Variants in TMED9 observed in about 807,000 individuals in gnomAD.
TMED9 encodes transmembrane emp24 domain-containing protein 9.
In TMED9, 22 loss-of-function variants were observed where a neutral mutation model predicts 30.6. The ratio of observed to expected loss-of-function variants is 0.72; its 90% CI spans 0.51 to 1.03. The LOEUF is 1.03. Among genes scored for constraint, TMED9 ranks in the 50% least tolerant of loss-of-function variants. The probability of loss-of-function intolerance (pLI) is 0.00; values close to 1 mark genes in which losing one functional copy is unlikely to be tolerated. For synonymous variants in TMED9, 146 were observed against 122.8 expected, an observed-to-expected ratio of 1.19 and a Z score of -1.25; for missense variants, 251 against 302.1, an observed-to-expected ratio of 0.83 and a Z score of 1.25.
chr5:177,594,751 G>A (rs1358806199), intron 4 of TMED9, among the ~76,000 whole-genome samples: 3 of 152,216 alleles, frequency 2.0e-5, no homozygotes, highest in Non-Finnish European at 4.4e-5. Context: ...GAGGAAATAG[G>A]ATTTTTATGC....
chr5:177,593,403 A>G, intron 2 of TMED9: 1 of 466,668 alleles, frequency 2.1e-6, no homozygotes, highest in Non-Finnish European at 3.8e-6. Flanking sequence ...TATAAAGGAA[A>G]GCCCTTCCCA....
At chr5:177,594,106 C>T (rs749777604) in intron 3 of TMED9, 33 bp from the exon 4 acceptor site, 3 of 1,612,396 alleles carry the variant, frequency 1.9e-6, no homozygotes, top group Non-Finnish European at 2.5e-6. Context: ...GCAGGGCTAC[C>T]AGATTTCCCT....
intron 2 of TMED9, 97 bp downstream of exon 2, chr5:177,592,772 C>T (rs554838051): frequency 4.6e-6 from 4 of 865,514 alleles, no homozygotes; most frequent in African/African-American, 1.7e-5. Context: ...GTGGGAGAGA[C>T]AGTTGATGTT....
intron 3 of TMED9, 128 bp downstream of exon 3, chr5:177,593,903 C>G: frequency 7.3e-7 from 1 of 1,374,484 alleles, no homozygotes; most frequent in South Asian, 1.3e-5. Context: ...ACTGGGTTTC[C>G]ACTGGATGTC....
At position 177,592,571 on chromosome 5, in the gene TMED9, C is replaced by G. The variant is rs548494178; in HGVS notation, c.185-4C>G. On this transcript the variant is annotated splice_polypyrimidine_tract_variant and splice_region_variant and intron_variant, in intron 1 of 4. Transcript: ENST00000332598. ...TGACCTGGGCTCGCCCTGCTTCCCT[C>G]AAGGAAACTACCGGACGCAGCTGTA... The G allele has an allele frequency of 6.2e-7, 1 of 1,612,204 alleles. No individual in the cohort carries two copies. The highest frequency in any genetic ancestry group is 2.2e-5 in the East Asian group (1 of 44,836).
chr5:177,593,426 C>A, intron 2 of TMED9: 1 of 511,576 alleles, frequency 2.0e-6, no homozygotes. Context: ...AGCAGTCAGT[C>A]ACTTGCCACC....
At position 177,593,731 on chromosome 5, in the gene TMED9, C is replaced by A; in HGVS notation, c.367C>A (p.His123Asn). 1 of 1,614,212 alleles carries A rather than the reference C, an allele frequency of 6.2e-7. No individual in the cohort carries two copies. The highest frequency in any genetic ancestry group is 8.5e-7 in the Non-Finnish European group (1 of 1,180,030). Residue 123 changes from histidine to asparagine, a missense_variant, in exon 3 of 5, where the codon CAC becomes AAC. By Grantham distance (68) the His-to-Asn change is moderately conservative. Around this residue, in one of 2 missense-constraint regions of TMED9, gnomAD observed 153 missense variants for 239.6 expected, o/e 0.64. Transcript: ENST00000332598. Reference protein sequence around the residue: ...HTPGEHQICLHSNSTKFSLFA... With the variant: ...HTPGEHQICLNSNSTKFSLFA... ...CCCTGGTGAGCACCAGATCTGTCTT[C>A]ACTCCAATTCCACCAAGTTCTCCCT...
In TMED9 at chr5:177,592,331, C is replaced by T. The variant is rs1274531759; in HGVS notation, c.117C>T (p.Tyr39=). 1.2e-6 allele frequency: 2 copies of T among 1,606,378 alleles called. No homozygotes were observed. The highest frequency in any genetic ancestry group is 1.7e-6 in the Non-Finnish European group (2 of 1,176,670). The change falls in exon 1 of 5, where the codon TAC becomes TAT. Residue 39 remains tyrosine, a synonymous_variant. Coordinates refer to ENST00000332598, the MANE Select transcript of TMED9 (RefSeq NM_017510.6). ...LWLATRGSAL[Y]FHIGETEKKC... Reference sequence around the variant, plus strand: ...TGGCGACGCGCGGAAGCGCGCTCTACTTTCACATCGGAGAGACGGAGAAGA... The same window carrying T: ...TGGCGACGCGCGGAAGCGCGCTCTATTTTCACATCGGAGAGACGGAGAAGA...
chr5:177,593,949 A>T, intron 3 of TMED9, 174 bp downstream of exon 3: 1 of 1,188,576 alleles, frequency 8.4e-7, no homozygotes, highest in Non-Finnish European at 1.2e-6. Flanking sequence ...TACATGCCTC[A>T]CTCAGAGCAC....
chr5:177,595,017 A>G (rs940959678), intron 4 of TMED9, among the ~76,000 whole-genome samples: 1 of 152,174 alleles, frequency 6.6e-6, no homozygotes, highest in Non-Finnish European at 1.5e-5. Context: ...GTGATACCAC[A>G]ACTACCTTAC....
Position 177,596,143 on chromosome 5 carries a change from G to C in TMED9, c.*727G>C, listed in dbSNP as rs1767687349. ...TCCAGTGCAAGTGACTCAGTCATCA[G>C]TGGGCACACACTGCAGGGTGCCTCA... On this transcript the variant is annotated 3_prime_UTR_variant, in exon 5 of 5. Transcript: ENST00000332598. 1 of 152,582 alleles carries C rather than the reference G, an allele frequency of 6.6e-6. No individual in the cohort carries two copies. Among genetic ancestry groups the C allele is most frequent in the East Asian group, 1.9e-4 (1 of 5,198 alleles). The allele number at this position is 152,582 out of a possible 1,614,324, so 9.5% of individuals were successfully genotyped here.
chr5:177,595,514 T>A lies in TMED9; in HGVS notation c.*98T>A. The A allele has an allele frequency of 6.9e-7, 1 of 1,450,684 alleles. No individual in the cohort carries two copies. The highest frequency in any genetic ancestry group is 9.3e-7 in the Non-Finnish European group (1 of 1,073,078). The allele number at this position is 1,450,684 out of a possible 1,614,324, so 89.9% of individuals were successfully genotyped here. A position where few individuals can be genotyped will look rare whatever the true frequency, so the allele number is the denominator to read the frequency against. On this transcript the variant is annotated 3_prime_UTR_variant, in exon 5 of 5. Coordinates refer to ENST00000332598, the MANE Select transcript of TMED9 (RefSeq NM_017510.6). ...AGGAGGACTGGTTTCCAGCCATACCTGTTCTGGAAGGGAGAGGGGCTGGAG... is the reference window on the plus strand; with the variant it reads ...AGGAGGACTGGTTTCCAGCCATACCAGTTCTGGAAGGGAGAGGGGCTGGAG...
At position 177,595,447 on chromosome 5, in the gene TMED9, G is replaced by T. The variant is rs1358136327; in HGVS notation, c.*31G>T. 6.3e-7 allele frequency: 1 copy of T among 1,580,336 alleles called. No individual in the cohort carries two copies. Among genetic ancestry groups the T allele is most frequent in the Non-Finnish European group, 8.6e-7 (1 of 1,157,216 alleles). ...CCAGGCGTCACAACCCATCCTCCCAGGCTGGGGGAGAAAGGACCTCCTGGA... is the reference window on the plus strand; with the variant it reads ...CCAGGCGTCACAACCCATCCTCCCATGCTGGGGGAGAAAGGACCTCCTGGA... On this transcript the variant is annotated 3_prime_UTR_variant, in exon 5 of 5. Transcript: ENST00000332598.
intron 2 of TMED9, 40 bp from the exon 3 acceptor site, chr5:177,593,610 C>G: frequency 1.9e-6 from 3 of 1,612,450 alleles, no homozygotes; most frequent in African/African-American, 1.3e-5. Flanking sequence ...CATTCCCATC[C>G]CTACCATAAT....
rs550688569 is a variant in TMED9, at chr5:177,593,870, C to T, written c.411+95C>T. 7.2e-6 allele frequency: 11 copies of T among 1,535,628 alleles called. No individual in the cohort carries two copies. The South Asian group carries it at 7.3e-5, about 10-fold the overall frequency. On this transcript the variant is annotated intron_variant, in intron 3 of 4. Transcript: ENST00000332598. Reference sequence around the variant, plus strand: ...TGCTGTGGGTGTGAGAGGATTATGTCAGATTTTGTGTCTCCTAAGAACACT... The same window carrying T: ...TGCTGTGGGTGTGAGAGGATTATGTTAGATTTTGTGTCTCCTAAGAACACT...
chr5:177,593,711 G>C lies in TMED9; in HGVS notation c.347G>C (p.Gly116Ala). 6.2e-7 allele frequency: 1 copy of C among 1,614,134 alleles called. No individual in the cohort carries two copies. Among genetic ancestry groups the C allele is most frequent in the Non-Finnish European group, 8.5e-7 (1 of 1,180,020 alleles). Reference sequence around the variant, plus strand: ...TTCACTTTCACTTCCCATACCCCTGGTGAGCACCAGATCTGTCTTCACTCC... The same window carrying C: ...TTCACTTTCACTTCCCATACCCCTGCTGAGCACCAGATCTGTCTTCACTCC... Reference protein sequence around the residue: ...GRFTFTSHTPGEHQICLHSNS... With the variant: ...GRFTFTSHTPAEHQICLHSNS... The change falls in exon 3 of 5, where the codon GGT (glycine) becomes GCT (alanine). Residue 116 changes from glycine to alanine, a missense_variant. Physicochemically the swap from Gly to Ala is moderately conservative, Grantham distance 60. Transcript: ENST00000332598.
intron 1 of TMED9, 44 bp from the exon 2 acceptor site, chr5:177,592,531 C>T: frequency 1.3e-6 from 2 of 1,582,742 alleles, no homozygotes; most frequent in Non-Finnish European, 1.7e-6. Flanking sequence ...GAACCCATGC[C>T]ACCTCGCGCT....
chr5:177,593,763 T>C lies in TMED9; in HGVS notation c.399T>C (p.Ala133=). 1 of 1,614,238 alleles carries C rather than the reference T, an allele frequency of 6.2e-7. No homozygotes were observed. The highest frequency in any genetic ancestry group is 1.1e-5 in the South Asian group (1 of 91,088). Residue 133 remains alanine (A), a synonymous_variant, in exon 3 of 5, where the codon GCT becomes GCC. Transcript: ENST00000332598. ...ATTCCACCAAGTTCTCCCTCTTTGC[T>C]GGAGGCATGCTGGTAAGTGGGCCCA... is the stretch of plus-strand genomic sequence containing the variant. The part of the protein sequence containing the change: ...HSNSTKFSLF[A]GGMLRVHLDI...
Position 177,592,633 on chromosome 5 carries a change from G to A in TMED9, c.243G>A (p.Pro81=), listed in dbSNP as rs200409242. 5 of 1,613,578 alleles carry A rather than the reference G, an allele frequency of 3.1e-6. No individual in the cohort carries two copies. In the South Asian group the frequency reaches 3.3e-5, roughly 11 times the overall value. Residue 81 remains proline, a synonymous_variant, in exon 2 of 5, where the codon CCG becomes CCA. Coordinates refer to ENST00000332598, the MANE Select transcript of TMED9 (RefSeq NM_017510.6). ...KQREEYQPAT[P]GLGMFVEVKD... ...GGGAGGAGTACCAGCCGGCCACCCC[G>A]GGGCTTGGCATGTTTGTGGAGGTGA...
Sources: gnomAD v4.1 joint callset for allele counts (sites outside exome capture counted in the v4.1 genomes callset) on GRCh38, gnomAD v4.1.1 for gene constraint, gnomAD v4.1.1 regional missense constraint, MANE v1.5 for transcripts, NCBI Gene and HGNC (gene_info 2026-07-23, HGNC 2026-07-21) for gene names.